The following IL1RAPL2 variants were observed in gnomAD, a reference collection of about 807,000 sequenced individuals.
IL1RAPL2 encodes X-linked interleukin-1 receptor accessory protein-like 2.
IL1RAPL2 carries 3 observed loss-of-function variants against 44.1 expected under a neutral mutation model. The ratio of observed to expected loss-of-function variants is 0.07; its 90% CI spans 0.03 to 0.18. IL1RAPL2 has a LOEUF of 0.18. IL1RAPL2 is among the 10% of genes least tolerant of loss of function. The pLI is 1.00. For synonymous variants in IL1RAPL2, 181 were observed against 178.8 expected (o/e 1.01, Z -0.10); for missense variants, 391 against 496.4 (o/e 0.79, Z 2.02).
At chrX:105,319,396 G>A (rs892804528) in intron 5 of IL1RAPL2, among the ~76,000 whole-genome samples, 11 of 111,671 alleles carry the variant, frequency 9.9e-5, no homozygotes, top group African/African-American at 3.6e-4. Flanking sequence ...AATTGTGCCT[G>A]GTATGAAGCA....
chrX:105,748,905 G>T lies in IL1RAPL2; in HGVS notation c.1049-55G>T, dbSNP rs778968348. The T allele has an allele frequency of 7.8e-5, 86 of 1,108,985 alleles. No homozygotes were observed. The South Asian group carries it at 1.7e-3, about 21-fold the overall frequency. The allele number at this position is 1,108,985 out of a possible 1,213,427, so 91.4% of individuals were successfully genotyped here. A position where few individuals can be genotyped will look rare whatever the true frequency, so the allele number is the denominator to read the frequency against. ...ATCTTATATACTAGAAATATGGGAA[G>T]ATCCCAAGTGTTGCTGATTTAATTA... is the stretch of plus-strand genomic sequence containing the variant. On this transcript the variant is annotated intron_variant, in intron 8 of 10. Coordinates refer to ENST00000372582, the MANE Select transcript of IL1RAPL2 (RefSeq NM_017416.2).
chrX:105,060,972 G>A (rs12559320), intron 2 of IL1RAPL2, among the ~76,000 whole-genome samples: 10,749 of 110,003 alleles, frequency 0.098, 523 homozygotes, highest in East Asian at 0.16. Flanking sequence ...TGTTTACACC[G>A]TTTTTACTTT....
At chrX:104,602,457 C>T (rs1012667597) in intron 1 of IL1RAPL2, among the ~76,000 whole-genome samples, 4 of 111,345 alleles carry the variant, frequency 3.6e-5, no homozygotes, top group Non-Finnish European at 5.7e-5. Context: ...CCCAATGGCA[C>T]CTGGAACACC....
chrX:104,660,426 T>G (rs952802894), intron 2 of IL1RAPL2, among the ~76,000 whole-genome samples: 1 of 109,174 alleles, frequency 9.2e-6, no homozygotes, highest in Non-Finnish European at 1.9e-5. Context: ...GTCATCTGTA[T>G]TATGGTAGCT....
intron 2 of IL1RAPL2, among the ~76,000 whole-genome samples, chrX:105,055,543 A>T (rs1361669059): frequency 2.7e-5 from 3 of 112,161 alleles, no homozygotes; most frequent in Non-Finnish European, 5.6e-5. Flanking sequence ...TTGGCAAAAA[A>T]TAAAATAATG....
chrX:104,853,752 C>A (rs5917156), intron 2 of IL1RAPL2, among the ~76,000 whole-genome samples: 44,733 of 106,041 alleles, frequency 0.42, 7,352 homozygotes, highest in East Asian at 0.45. Flanking sequence ...AAATACAAAA[C>A]ATTAGCCAGG....
chrX:105,059,469 A>G (rs1366155092), intron 2 of IL1RAPL2, among the ~76,000 whole-genome samples: 1 of 112,194 alleles, frequency 8.9e-6, no homozygotes, highest in Non-Finnish European at 1.9e-5. Context: ...ATTCTCTTTT[A>G]TGGCTAAATA....
intron 2 of IL1RAPL2, among the ~76,000 whole-genome samples, chrX:104,724,659 A>C (rs1218711336): frequency 9.0e-6 from 1 of 111,538 alleles, no homozygotes; most frequent in East Asian, 2.8e-4. Flanking sequence ...AACCACCAAA[A>C]AGGCAGATCA....
chrX:105,403,663 G>A (rs7876229), intron 5 of IL1RAPL2, among the ~76,000 whole-genome samples: 21,357 of 110,933 alleles, frequency 0.19, 5,006 homozygotes, highest in African/African-American at 0.67. Context: ...TCATGTCTTG[G>A]GGAGTATTTG....
chrX:104,673,687 G>A, intron 2 of IL1RAPL2, among the ~76,000 whole-genome samples: 1 of 110,462 alleles, frequency 9.1e-6, no homozygotes, highest in Non-Finnish European at 1.9e-5. Flanking sequence ...ATTACCTTGG[G>A]CAGTATGGCC....
At chrX:105,048,194 A>T (rs942292899) in intron 2 of IL1RAPL2, among the ~76,000 whole-genome samples, 15 of 112,154 alleles carry the variant, frequency 1.3e-4, no homozygotes, top group Admixed American at 3.8e-4. Flanking sequence ...AAAGATATTA[A>T]TGAGGTTTTC....
At position 105,125,418 on chromosome X, in the gene IL1RAPL2, GCTAA is replaced by G. The variant is rs775186777; in HGVS notation, c.83-70054_83-70051del. Among the ~76,000 whole-genome samples the G allele has an allele frequency of 2.7e-5, 3 of 110,612 alleles. No individual in the cohort carries two copies. In the South Asian group the frequency reaches 1.1e-3, roughly 42 times the overall value. ...TCATCCATTTTTCCCAAAGTCACGT[GCTAA>G]CTCTTTACTAATTCTGTCTAAATGG... On this transcript the variant is annotated intron_variant, in intron 2 of 10. Coordinates refer to ENST00000372582, the MANE Select transcript of IL1RAPL2 (RefSeq NM_017416.2).
intron 2 of IL1RAPL2, among the ~76,000 whole-genome samples, chrX:105,125,867 T>C (rs1230779800): frequency 9.0e-6 from 1 of 110,618 alleles, no homozygotes; most frequent in Non-Finnish European, 1.9e-5. Flanking sequence ...GAGGGAAAAC[T>C]GTACTTAAAA....
intron 1 of IL1RAPL2, among the ~76,000 whole-genome samples, chrX:104,591,807 C>A (rs1056973689): frequency 2.7e-5 from 3 of 110,381 alleles, no homozygotes; most frequent in African/African-American, 9.9e-5. Context: ...AATATCAAAA[C>A]AAAAGCATTG....
intron 3 of IL1RAPL2, among the ~76,000 whole-genome samples, chrX:105,214,205 T>A (rs1253084305): frequency 9.1e-5 from 9 of 98,653 alleles, no homozygotes; most frequent in Non-Finnish European, 1.8e-4. Context: ...GACCCATCAG[T>A]ATGCTGTATT....
At chrX:104,572,161 T>C (rs747588062) in intron 1 of IL1RAPL2, among the ~76,000 whole-genome samples, 1 of 111,955 alleles carries the variant, frequency 8.9e-6, no homozygotes, top group African/African-American at 3.2e-5. Context: ...AGGTGGTCTG[T>C]CCAAATTGGG....
intron 6 of IL1RAPL2, among the ~76,000 whole-genome samples, chrX:105,536,871 A>G (rs1014425297): frequency 8.9e-6 from 1 of 111,988 alleles, no homozygotes; most frequent in Non-Finnish European, 1.9e-5. Context: ...GTAACTGCAT[A>G]TATTTTTAAA....
chrX:104,993,517 G>A (rs1301449877), intron 2 of IL1RAPL2, among the ~76,000 whole-genome samples: 1 of 111,573 alleles, frequency 9.0e-6, no homozygotes, highest in Non-Finnish European at 1.9e-5. Flanking sequence ...TTACTATTAA[G>A]CTCAGAGTTT....
intron 3 of IL1RAPL2, among the ~76,000 whole-genome samples, chrX:105,225,721 C>T (rs1344133608): frequency 1.8e-5 from 2 of 108,620 alleles, no homozygotes; most frequent in African/African-American, 6.7e-5. Flanking sequence ...AGAGTCTCCT[C>T]TGTCACCCAG....
Sources: allele counts gnomAD v4.1 joint callset (sites outside exome capture counted in the v4.1 genomes callset), GRCh38; gene constraint gnomAD v4.1.1; transcripts MANE v1.5; gene names NCBI Gene and HGNC (gene_info 2026-07-23, HGNC 2026-07-21).